AGBL1: variants seen among roughly 807,000 people sequenced by gnomAD.
AGBL1 encodes AGBL carboxypeptidase 1, also known as cytosolic carboxypeptidase 4.
Under a neutral mutation model 118.9 loss-of-function variants are expected in AGBL1, and 130 were observed. That is an observed-to-expected ratio of 1.09 (90% confidence interval 0.95 to 1.26). The LOEUF (loss-of-function observed/expected upper bound fraction) is 1.26, where lower values mean the gene tolerates loss of function less well. Among genes scored for constraint, AGBL1 ranks in the 50% most tolerant of loss-of-function variants. The pLI is 0.00. For synonymous variants in AGBL1, 555 were observed against 478.9 expected (o/e 1.16, Z -2.08); for missense variants, 1,584 against 1,298.1 (o/e 1.22, Z -3.38).
At chr15:86,466,111 C>G (rs940868896) in intron 18 of AGBL1, among the ~76,000 whole-genome samples, 2 of 152,162 alleles carry the variant, frequency 1.3e-5, no homozygotes, top group African/African-American at 4.8e-5. Flanking sequence ...AGAAAAGAAC[C>G]TATGTTGAAA....
intron 22 of AGBL1, among the ~76,000 whole-genome samples, chr15:86,733,089 C>T (rs2077547999): frequency 6.7e-6 from 1 of 148,800 alleles, no homozygotes; most frequent in Non-Finnish European, 1.5e-5. Context: ...ATATATATAT[C>T]TTATACATAG....
chr15:86,342,108 T>C (rs2080470230), intron 17 of AGBL1, among the ~76,000 whole-genome samples: 2 of 152,202 alleles, frequency 1.3e-5, no homozygotes, highest in South Asian at 4.1e-4. Flanking sequence ...CAATTTTGTT[T>C]TCTGCTCTGT....
At chr15:86,824,542 A>G (rs1305510271) in intron 22 of AGBL1, among the ~76,000 whole-genome samples, 4 of 83,740 alleles carry the variant, frequency 4.8e-5, no homozygotes. Flanking sequence ...TAAAATTCCT[A>G]TCAAAATCCC....
intron 22 of AGBL1, among the ~76,000 whole-genome samples, chr15:86,770,299 C>G (rs908102712): frequency 6.6e-6 from 1 of 151,912 alleles, no homozygotes; most frequent in African/African-American, 2.4e-5. Flanking sequence ...GCAGTGGTCC[C>G]TCCATGGGGT....
chr15:86,219,320 T>G (rs1250278327), intron 5 of AGBL1, among the ~76,000 whole-genome samples: 1 of 152,186 alleles, frequency 6.6e-6, no homozygotes, highest in Admixed American at 6.5e-5. Flanking sequence ...TGCCATTACT[T>G]TTAATGGCAA....
intron 6 of AGBL1, among the ~76,000 whole-genome samples, chr15:86,233,252 C>T (rs1315766972): frequency 6.6e-6 from 1 of 152,200 alleles, no homozygotes; most frequent in Non-Finnish European, 1.5e-5. Flanking sequence ...TGACTTTAAA[C>T]TAGTTCTTTG....
intron 5 of AGBL1, among the ~76,000 whole-genome samples, chr15:86,163,941 T>C (rs117410409): frequency 6.6e-6 from 1 of 152,266 alleles, no homozygotes; most frequent in East Asian, 1.9e-4. Flanking sequence ...GTCTGAAACA[T>C]CAGTTGGCAC....
At chr15:86,716,750 C>G (rs1220130901) in intron 22 of AGBL1, among the ~76,000 whole-genome samples, 1 of 152,148 alleles carries the variant, frequency 6.6e-6, no homozygotes, top group Non-Finnish European at 1.5e-5. Context: ...GGAATAGATG[C>G]ATAAACCAAA....
intron 18 of AGBL1, among the ~76,000 whole-genome samples, chr15:86,465,629 C>A (rs991982444): frequency 1.3e-5 from 2 of 152,200 alleles, no homozygotes; most frequent in Non-Finnish European, 2.9e-5. Context: ...CTGGATGTGT[C>A]TGTCTTATGC....
chr15:86,753,415 T>TTTTTTTTC (rs35941815), intron 22 of AGBL1, among the ~76,000 whole-genome samples: 7 of 139,746 alleles, frequency 5.0e-5, no homozygotes, highest in East Asian at 2.1e-4. Flanking sequence ...TTTTTTTTTT[T>TTTTTTTTC]GAGACAGAGT....
At chr15:86,722,981 C>G (rs1218089147) in intron 22 of AGBL1, among the ~76,000 whole-genome samples, 3 of 144,142 alleles carry the variant, frequency 2.1e-5, no homozygotes, top group East Asian at 2.1e-4. Context: ...TTAGAATGGC[C>G]ATCATTAAAA....
intron 22 of AGBL1, among the ~76,000 whole-genome samples, chr15:86,817,994 T>C (rs1194797762): frequency 6.6e-6 from 1 of 152,068 alleles, no homozygotes; most frequent in African/African-American, 2.4e-5. Flanking sequence ...GGATTGCCAG[T>C]AAACATCAAA....
intron 21 of AGBL1, among the ~76,000 whole-genome samples, chr15:86,644,785 C>T (rs1211894328): frequency 7.1e-6 from 1 of 140,768 alleles, no homozygotes; most frequent in Non-Finnish European, 1.5e-5. Context: ...GCAGGTGGAT[C>T]ATCTGAGGTC....
At chr15:86,437,986 A>G (rs2142049262) in intron 18 of AGBL1, among the ~76,000 whole-genome samples, 1 of 152,198 alleles carries the variant, frequency 6.6e-6, no homozygotes, top group African/African-American at 2.4e-5. Flanking sequence ...GCTTACTGCA[A>G]CCTTTGCCTC....
At chr15:86,159,260 G>A (rs372437254) in intron 5 of AGBL1, among the ~76,000 whole-genome samples, 2 of 151,870 alleles carry the variant, frequency 1.3e-5, no homozygotes, top group Admixed American at 6.6e-5. Context: ...TTTTTCAGAC[G>A]AGCAAGTTAA....
intron 22 of AGBL1, among the ~76,000 whole-genome samples, chr15:86,870,751 C>A (rs1167794281): frequency 6.6e-6 from 1 of 152,150 alleles, no homozygotes. Context: ...GCCCTGATTT[C>A]TTTCAGGATA....
rs117673480 is a variant in AGBL1 at position 86,487,444 on chromosome 15, C to G, written c.2556-35366C>G. On this transcript the variant is annotated intron_variant, in intron 18 of 22. Coordinates refer to ENST00000614907, the MANE Select transcript of AGBL1 (RefSeq NM_001386094.1). ...TTAATAAGTGATGGGGTATTATTGA[C>G]TCATCAGGAACACCTTTGTAGTAGG... Among the ~76,000 whole-genome samples, 304 of 152,136 alleles carry G rather than the reference C, an allele frequency of 2.0e-3. 11 individuals carry two copies. In the East Asian group the frequency reaches 0.056, roughly 28 times the overall value.
intron 18 of AGBL1, among the ~76,000 whole-genome samples, chr15:86,501,964 T>G (rs763483719): frequency 2.0e-5 from 3 of 151,560 alleles, no homozygotes; most frequent in Non-Finnish European, 4.4e-5. Context: ...GCTTGTCAAA[T>G]TTTGAAAATA....
rs529779946 is a variant in AGBL1 at position 86,302,768 on chromosome 15, G to A, written c.2374+7360G>A. 2.3e-5 allele frequency among the ~76,000 whole-genome samples: 3 copies of A among 127,838 alleles called. No homozygotes were observed. In the South Asian group the frequency reaches 7.6e-4, roughly 32 times the overall value. The allele number at this position is 127,838 out of a possible 152,430, so 83.9% of individuals were successfully genotyped here. ...CACTCCAGCCTGGATGACAGAGTGG[G>A]ACCCTGTCTCAAAAAAAAAAAAAAA... On this transcript the variant is annotated intron_variant, in intron 17 of 22. Coordinates refer to ENST00000614907, the MANE Select transcript of AGBL1 (RefSeq NM_001386094.1).
Sources: gnomAD v4.1 joint callset for allele counts (sites outside exome capture counted in the v4.1 genomes callset) on GRCh38, gnomAD v4.1.1 for gene constraint, MANE v1.5 for transcripts, NCBI Gene and HGNC (gene_info 2026-07-23, HGNC 2026-07-21) for gene names.